Variants in PLXDC2 observed in about 807,000 individuals in gnomAD.
PLXDC2 encodes the protein plexin domain-containing protein 2.
A neutral mutation model predicts 68.9 loss-of-function variants in PLXDC2; 40 were observed. That is an observed-to-expected ratio of 0.58 (90% CI 0.45 to 0.76). The LOEUF is 0.76. Ranked by LOEUF, PLXDC2 falls within the 30% of genes least tolerant of loss-of-function variation. The probability of loss-of-function intolerance (pLI) is 0.00; values close to 1 mark genes in which losing one functional copy is unlikely to be tolerated. For synonymous variants in PLXDC2, 243 were observed against 234.2 expected, an observed-to-expected ratio of 1.04 and a Z score of -0.34; for missense variants, 644 against 661.9, an observed-to-expected ratio of 0.97 and a Z score of 0.30.
Position 19,960,258 on chromosome 10 carries a change from G to C in PLXDC2, c.113-41517G>C, listed in dbSNP as rs1457582568. 2.6e-5 allele frequency among the ~76,000 whole-genome samples: 4 copies of C among 151,810 alleles called. No individual in the cohort carries two copies. In the East Asian group the frequency reaches 7.7e-4, roughly 29 times the overall value. On this transcript the variant is annotated intron_variant, in intron 1 of 13. Transcript: ENST00000377252. ...GCACACGTGTATTCCCAGCTACTGG[G>C]GAGGCTAAGATGAGAGTATTGCTTG... is the stretch of plus-strand genomic sequence containing the variant.
intron 1 of PLXDC2, among the ~76,000 whole-genome samples, chr10:19,953,198 C>A (rs1834019057): frequency 6.6e-6 from 1 of 152,130 alleles, no homozygotes; most frequent in Non-Finnish European, 1.5e-5. Flanking sequence ...CGTTTTCAGA[C>A]CTTATTTATA....
rs185075636 is a variant in PLXDC2, at chr10:20,004,564, G to A, written c.324+2578G>A. ...GAAAGGGAAAAACACATCCCTATTC[G>A]GCTAAAAGCCCAGACTTTGCCACGA... On this transcript the variant is annotated intron_variant, in intron 2 of 13. Coordinates refer to ENST00000377252, the MANE Select transcript of PLXDC2 (RefSeq NM_032812.9). 6.6e-5 allele frequency among the ~76,000 whole-genome samples: 10 copies of A among 152,172 alleles called. No homozygotes were observed. In the East Asian group the frequency reaches 1.5e-3, roughly 24 times the overall value.
chr10:20,069,520 T>A (rs1424911786), intron 4 of PLXDC2, among the ~76,000 whole-genome samples: 1 of 152,018 alleles, frequency 6.6e-6, no homozygotes, highest in Non-Finnish European at 1.5e-5. Flanking sequence ...TTAACCATGG[T>A]GGGGTGCTCC....
At chr10:20,238,649 C>A (rs995853414) in intron 12 of PLXDC2, among the ~76,000 whole-genome samples, 4 of 28,768 alleles carry the variant, frequency 1.4e-4, no homozygotes, top group Non-Finnish European at 4.2e-4. Flanking sequence ...GAGAAAGACT[C>A]CATCTCAAAA....
At chr10:20,263,878 T>C (rs1056498866) in intron 13 of PLXDC2, among the ~76,000 whole-genome samples, 1 of 152,106 alleles carries the variant, frequency 6.6e-6, no homozygotes, top group Non-Finnish European at 1.5e-5. Flanking sequence ...TGTGGGAGTA[T>C]AAGTTAGTTC....
intron 13 of PLXDC2, among the ~76,000 whole-genome samples, chr10:20,266,044 C>T (rs1262970506): frequency 6.6e-6 from 1 of 152,146 alleles, no homozygotes; most frequent in Non-Finnish European, 1.5e-5. Context: ...AGATAAACTT[C>T]TACTTTATTA....
rs950106962 is a variant in PLXDC2, at chr10:20,281,104, C to G, written c.*1285C>G. The G allele has an allele frequency of 1.3e-5, 2 of 152,056 alleles. No individual in the cohort carries two copies. Among genetic ancestry groups the G allele is most frequent in the Non-Finnish European group, 2.9e-5 (2 of 67,998 alleles). The allele number at this position is 152,056 out of a possible 1,614,324, so 9.4% of individuals were successfully genotyped here. A position where few individuals can be genotyped will look rare whatever the true frequency, so the allele number is the denominator to read the frequency against. On this transcript the variant is annotated 3_prime_UTR_variant, in exon 14 of 14. Coordinates refer to ENST00000377252, the MANE Select transcript of PLXDC2 (RefSeq NM_032812.9). Reference sequence around the variant, plus strand: ...AAAAGTGGTTCAGTTCATTGCCGCGCCCATCATGTTCTTGACTATTTGATC... The same window carrying G: ...AAAAGTGGTTCAGTTCATTGCCGCGGCCATCATGTTCTTGACTATTTGATC...
chr10:20,161,393 T>G, intron 6 of PLXDC2, among the ~76,000 whole-genome samples: 1 of 151,814 alleles, frequency 6.6e-6, no homozygotes, highest in East Asian at 1.9e-4. Context: ...GTACATTTTC[T>G]TGGCTGTAGC....
rs12244019 is a variant in PLXDC2, at chr10:19,844,893, C to T, written c.112+27702C>T. On this transcript the variant is annotated intron_variant, in intron 1 of 13. Coordinates refer to ENST00000377252, the MANE Select transcript of PLXDC2 (RefSeq NM_032812.9). ...ACAGGCAAGAGCCAATACACCTGTC[C>T]AAAAATGTCACTTATGATGGCCAAA... Among the ~76,000 whole-genome samples, 1,476 of 152,302 alleles carry T rather than the reference C, an allele frequency of 9.7e-3. 18 individuals are homozygous for T. The highest frequency in any genetic ancestry group is 0.034 in the African/African-American group (1,426 of 41,558).
At chr10:19,987,562 GT>G (rs762882608) in intron 1 of PLXDC2, among the ~76,000 whole-genome samples, 4 of 16,818 alleles carry the variant, frequency 2.4e-4, no homozygotes, top group Non-Finnish European at 4.9e-4. Context: ...GTTTTGTTTT[GT>G]TTTTTTTTCT....
intron 4 of PLXDC2, among the ~76,000 whole-genome samples, chr10:20,115,728 T>TAC (rs1833612830): frequency 6.6e-6 from 1 of 152,200 alleles, no homozygotes; most frequent in African/African-American, 2.4e-5. Flanking sequence ...TACTATTACA[T>TAC]TTTATTTAAA....
At chr10:19,828,388 G>A (rs1564601553) in intron 1 of PLXDC2, among the ~76,000 whole-genome samples, 1 of 152,186 alleles carries the variant, frequency 6.6e-6, no homozygotes. Flanking sequence ...ACAGGCATTT[G>A]CAAAGGAGAG....
At chr10:20,110,285 A>G (rs1484113259) in intron 4 of PLXDC2, among the ~76,000 whole-genome samples, 1 of 152,128 alleles carries the variant, frequency 6.6e-6, no homozygotes, top group African/African-American at 2.4e-5. Context: ...GCCCTTGCCT[A>G]TCCTGGAGAG....
intron 1 of PLXDC2, among the ~76,000 whole-genome samples, chr10:19,843,527 G>A (rs2131319817): frequency 6.6e-6 from 1 of 152,248 alleles, no homozygotes; most frequent in South Asian, 2.1e-4. Flanking sequence ...AATAAGAGAA[G>A]TGAGAAATGT....
chr10:20,216,808 T>C (rs1835143834), intron 10 of PLXDC2, among the ~76,000 whole-genome samples: 1 of 149,920 alleles, frequency 6.7e-6, no homozygotes, highest in Admixed American at 6.6e-5. Flanking sequence ...CATTTCCTGA[T>C]GTTTTCAATA....
chr10:20,052,648 G>A (rs542326494), intron 3 of PLXDC2, among the ~76,000 whole-genome samples: 58 of 150,616 alleles, frequency 3.9e-4, no homozygotes, highest in Non-Finnish European at 7.8e-4. Context: ...GGGGAAGAAG[G>A]GAGTTTCTCG....
rs1290972548 is a variant in PLXDC2, at chr10:20,140,427, ATCTATCTATCTATCCG to A, written c.542-2863_542-2848del. ...AAAATATCTATCTATCTATCTATCTATCTATCTATCTATCCGTCTAATCTTTAGCTGGGAATGCCCA... is the reference window on the plus strand; with the variant it reads ...AAAATATCTATCTATCTATCTATCTATCTAATCTTTAGCTGGGAATGCCCA... On this transcript the variant is annotated intron_variant, in intron 4 of 13. Coordinates refer to ENST00000377252, the MANE Select transcript of PLXDC2 (RefSeq NM_032812.9). Among the ~76,000 whole-genome samples the A allele has an allele frequency of 1.3e-4, 20 of 149,228 alleles. No homozygotes were observed. The East Asian group carries it at 3.5e-3, about 26-fold the overall frequency.
chr10:20,171,484 C>T (rs1021799628), intron 7 of PLXDC2, among the ~76,000 whole-genome samples: 3 of 152,224 alleles, frequency 2.0e-5, no homozygotes, highest in South Asian at 2.1e-4. Context: ...GATGTTTTCT[C>T]ATAAAGTAAC....
At chr10:20,210,750 A>T (rs1835058829) in intron 9 of PLXDC2, among the ~76,000 whole-genome samples, 1 of 152,160 alleles carries the variant, frequency 6.6e-6, no homozygotes, top group Non-Finnish European at 1.5e-5. Flanking sequence ...AATCCAGGAG[A>T]GACCAGTGCA....
Sources: gnomAD v4.1 joint callset for allele counts (sites outside exome capture counted in the v4.1 genomes callset) on GRCh38, gnomAD v4.1.1 for gene constraint, MANE v1.5 for transcripts, NCBI Gene and HGNC (gene_info 2026-07-23, HGNC 2026-07-21) for gene names.